Variants in SPTBN1 observed in about 807,000 individuals in gnomAD.
The protein encoded by SPTBN1 is spectrin beta chain, non-erythrocytic 1.
A neutral mutation model predicts 266.4 loss-of-function variants in SPTBN1; 32 were observed. The observed-to-expected ratio is 0.12, with a 90% confidence interval of 0.09 to 0.16. The LOEUF (loss-of-function observed/expected upper bound fraction) is 0.16. SPTBN1 is among the 10% of genes least tolerant of loss of function. The probability of loss-of-function intolerance (pLI) is 1.00; values close to 1 mark genes in which losing one functional copy is unlikely to be tolerated. For missense variants in SPTBN1, 2,296 were observed against 3,067.1 expected, an observed-to-expected ratio of 0.75 and a Z score of 5.94; for synonymous variants, 1,336 against 1,162.2, an observed-to-expected ratio of 1.15 and a Z score of -3.04.
rs754221937 is a variant in SPTBN1 at position 54,655,243 on chromosome 2, C to T, written c.5961+35C>T. The T allele has an allele frequency of 3.1e-5, 49 of 1,604,980 alleles. 1 individual carries two copies. Among genetic ancestry groups the T allele is most frequent in the African/African-American group, 2.4e-4 (18 of 74,638 alleles). Reference sequence around the variant, plus strand: ...TACTTTGCTTTGGAGCTGCAGCTGGCGTCAAGATGTAAAATGACTTTGTTT... The same window carrying T: ...TACTTTGCTTTGGAGCTGCAGCTGGTGTCAAGATGTAAAATGACTTTGTTT... On this transcript the variant is annotated intron_variant, in intron 28 of 35. Coordinates refer to ENST00000356805, the MANE Select transcript of SPTBN1 (RefSeq NM_003128.3).
chr2:54,508,548 C>T (rs1008928068), intron 1 of SPTBN1, among the ~76,000 whole-genome samples: 3 of 150,048 alleles, frequency 2.0e-5, no homozygotes, highest in East Asian at 1.9e-4. Context: ...GGCGGGCTAG[C>T]GGCTTGCAAC....
At chr2:54,602,562 T>A (rs941305280) in intron 3 of SPTBN1, among the ~76,000 whole-genome samples, 1 of 152,186 alleles carries the variant, frequency 6.6e-6, no homozygotes, top group African/African-American at 2.4e-5. Flanking sequence ...AGCCCTCGCC[T>A]CTGACCGAGA....
chr2:54,524,210 T>A (rs1293972670), intron 1 of SPTBN1, among the ~76,000 whole-genome samples: 3 of 151,542 alleles, frequency 2.0e-5, no homozygotes, highest in South Asian at 4.2e-4. Flanking sequence ...AAAAAAAAAA[T>A]GTTGATAATT....
At chr2:54,609,636 T>C (rs933897905) in intron 3 of SPTBN1, among the ~76,000 whole-genome samples, 1 of 152,104 alleles carries the variant, frequency 6.6e-6, no homozygotes. Flanking sequence ...GAGGCTGAAT[T>C]AGGGATGTTG....
At chr2:54,566,217 G>C (rs1573428293) in intron 2 of SPTBN1, among the ~76,000 whole-genome samples, 3 of 135,576 alleles carry the variant, frequency 2.2e-5, no homozygotes, top group African/African-American at 8.5e-5. Flanking sequence ...GAGATGGAGT[G>C]TCACTGTGTC....
chr2:54,660,605 C>CA (rs1680968836), intron 32 of SPTBN1: 3 of 985,024 alleles, frequency 3.0e-6, no homozygotes, highest in Non-Finnish European at 3.6e-6. Flanking sequence ...TTGAAGATGA[C>CA]AAAAAAGGGA....
At position 54,622,426 on chromosome 2, in the gene SPTBN1, G is replaced by A. The variant is rs1678054268; in HGVS notation, c.1003G>A (p.Val335Ile). 6.2e-7 allele frequency: 1 copy of A among 1,614,158 alleles called. No homozygotes were observed. Among genetic ancestry groups the A allele is most frequent in the Middle Eastern group, 1.6e-4 (1 of 6,062 alleles). The change falls in exon 9 of 36, where the codon GTC becomes ATC. Residue 335 changes from valine (V) to isoleucine (I), a missense_variant. Around this residue, in one of 12 missense-constraint regions of SPTBN1, gnomAD observed 148 missense variants for 203.8 expected, o/e 0.73. Transcript: ENST00000356805. ...LNNRKFANSL[V>I]GVQQQLQAFN... ...CAATCGCAAATTTGCCAATTCACTG[G>A]TCGGGGTTCAACAGCAGCTTCAGGC...
chr2:54,525,265 T>C (rs72918739), intron 1 of SPTBN1, among the ~76,000 whole-genome samples: 6,262 of 152,228 alleles, frequency 0.041, 456 homozygotes, highest in African/African-American at 0.14. Context: ...TTTTTTTTTA[T>C]TGGAGTTTTG....
chr2:54,625,838 G>A (rs570901926), intron 11 of SPTBN1, 94 bp from the exon 12 acceptor site: 31 of 1,384,106 alleles, frequency 2.2e-5, no homozygotes, highest in South Asian at 1.1e-4. Context: ...TGATCTGCCC[G>A]CCTCGGCCTC....
At chr2:54,506,623 A>AT (rs11380454) in intron 1 of SPTBN1, among the ~76,000 whole-genome samples, 46,839 of 152,104 alleles carry the variant, frequency 0.31, 8,657 homozygotes, top group East Asian at 0.45. Flanking sequence ...ACATTTGTGT[A>AT]TTGTTGTCTG....
intron 2 of SPTBN1, among the ~76,000 whole-genome samples, chr2:54,575,755 G>C (rs1476352790): frequency 6.6e-6 from 1 of 152,234 alleles, no homozygotes; most frequent in Non-Finnish European, 1.5e-5. Context: ...TGAAGGCTCA[G>C]TTTCGATGTA....
intron 1 of SPTBN1, among the ~76,000 whole-genome samples, chr2:54,495,604 T>C (rs1420238201): frequency 1.3e-5 from 2 of 152,020 alleles, no homozygotes; most frequent in African/African-American, 4.8e-5. Context: ...TAAATACTTT[T>C]AACATTTTGG....
intron 16 of SPTBN1, among the ~76,000 whole-genome samples, chr2:54,631,999 C>T (rs911221926): frequency 1.3e-5 from 2 of 151,370 alleles, no homozygotes; most frequent in Non-Finnish European, 2.9e-5. Context: ...ATCACTTGAG[C>T]CCAGCAGGTC....
At chr2:54,640,397 GT>G (rs1166461200) in intron 18 of SPTBN1, among the ~76,000 whole-genome samples, 1 of 151,854 alleles carries the variant, frequency 6.6e-6, no homozygotes, top group Admixed American at 6.6e-5. Flanking sequence ...ATCCGCCCCT[GT>G]TACCACCCCC....
Position 54,653,887 on chromosome 2 carries a change from T to G in SPTBN1, c.5822+34T>G. ...TTCAGCCCAAAGGAAATTGGACTTA[T>G]TGGCGCTTGGTTAAAACACAGGAGT... On this transcript the variant is annotated intron_variant, in intron 27 of 35. Coordinates refer to ENST00000356805, the MANE Select transcript of SPTBN1 (RefSeq NM_003128.3). The surrounding 1 kb of genome is among the most constrained non-coding windows in gnomAD (Gnocchi z 5.1). 2 of 1,595,206 alleles carry G rather than the reference T, an allele frequency of 1.3e-6. No homozygotes were observed. The highest frequency in any genetic ancestry group is 1.1e-5 in the South Asian group (1 of 87,732).
intron 2 of SPTBN1, among the ~76,000 whole-genome samples, chr2:54,569,488 A>G (rs1171688109): frequency 2.0e-5 from 3 of 152,252 alleles, no homozygotes; most frequent in Admixed American, 1.3e-4. Context: ...AATAGTTAAT[A>G]TATATAAGCA....
At chr2:54,654,860 A>G (rs961728485) in intron 27 of SPTBN1, among the ~76,000 whole-genome samples, 1 of 152,192 alleles carries the variant, frequency 6.6e-6, no homozygotes, top group African/African-American at 2.4e-5. Flanking sequence ...CATATTCTAC[A>G]GTTTGGTTAC....
chr2:54,599,763 C>T (rs1298575686), intron 3 of SPTBN1, among the ~76,000 whole-genome samples: 1 of 152,180 alleles, frequency 6.6e-6, no homozygotes, highest in Non-Finnish European at 1.5e-5. Flanking sequence ...GGGAAAGGAG[C>T]TTCTGATGAA....
In SPTBN1 at chr2:54,626,385, G is replaced by C; in HGVS notation, c.1644+151G>C. 1.9e-6 allele frequency: 2 copies of C among 1,040,136 alleles called. No individual in the cohort carries two copies. The highest frequency in any genetic ancestry group is 2.7e-6 in the Non-Finnish European group (2 of 729,618). The allele number at this position is 1,040,136 out of a possible 1,614,324, so 64.4% of individuals were successfully genotyped here. Reference sequence around the variant, plus strand: ...AGAGGAGCCACATCACCCATGGGAAGATTGCTAGCTCAGGAATTAAATGAG... The same window carrying C: ...AGAGGAGCCACATCACCCATGGGAACATTGCTAGCTCAGGAATTAAATGAG... On this transcript the variant is annotated intron_variant, in intron 12 of 35. Transcript: ENST00000356805. This position sits in a 1 kb window ranked among gnomAD's most constrained non-coding sequence, Gnocchi z 4.7.
Sources: gnomAD v4.1 joint callset for allele counts (sites outside exome capture counted in the v4.1 genomes callset) on GRCh38, gnomAD v4.1.1 for gene constraint, gnomAD v4.1.1 regional missense constraint, Gnocchi (gnomAD v3.1) non-coding constraint, MANE v1.5 for transcripts, NCBI Gene and HGNC (gene_info 2026-07-23, HGNC 2026-07-21) for gene names.